SYTL2: variants seen among roughly 807,000 people sequenced by gnomAD.
SYTL2 encodes synaptotagmin-like protein 2.
SYTL2 carries 165 observed loss-of-function variants against 198.7 expected under a neutral mutation model. The ratio of observed to expected loss-of-function variants is 0.83; its 90% CI spans 0.73 to 0.94. The LOEUF is 0.94. Among genes scored for constraint, SYTL2 ranks in the 40% least tolerant of loss-of-function variants. The pLI, the probability that SYTL2 is intolerant of heterozygous loss-of-function variation, is 0.00. For missense variants in SYTL2, 2,835 were observed against 2,582.8 expected (o/e 1.10, Z -2.12); for synonymous variants, 966 against 917.7 (o/e 1.05, Z -0.95).
intron 1 of SYTL2, among the ~76,000 whole-genome samples, chr11:85,792,263 C>T (rs534639939): frequency 6.6e-6 from 1 of 152,074 alleles, no homozygotes; most frequent in South Asian, 2.1e-4. Flanking sequence ...TGGGGCTCTG[C>T]CAATAGAGTT....
chr11:85,756,682 A>G (rs1424647322), intron 2 of SYTL2, among the ~76,000 whole-genome samples: 1 of 152,218 alleles, frequency 6.6e-6, no homozygotes, highest in East Asian at 1.9e-4. Flanking sequence ...AATACTGTCT[A>G]TATAGAAGTT....
chr11:85,815,891 C>T (rs950940244), upstream of SYTL2, among the ~76,000 whole-genome samples: 13 of 152,166 alleles, frequency 8.5e-5, no homozygotes, highest in East Asian at 3.8e-4. Flanking sequence ...TGGCTGGGCA[C>T]GGTGACTCAT....
At chr11:85,745,889 A>T in intron 3 of SYTL2, 117 bp from the exon 4 acceptor site, 1 of 1,002,432 alleles carries the variant, frequency 1.0e-6, no homozygotes, top group Non-Finnish European at 1.5e-6. Context: ...TCCCAGTGCC[A>T]AGGCAATCAC....
At chr11:85,695,878 A>G (rs1273831678) in intron 19 of SYTL2, among the ~76,000 whole-genome samples, 1 of 152,194 alleles carries the variant, frequency 6.6e-6, no homozygotes, top group Non-Finnish European at 1.5e-5. Flanking sequence ...CAAAGCATAT[A>G]TTTAGCCTTG....
rs1193367255 is a variant in SYTL2 at position 85,734,095 on chromosome 11, T to A, written c.1234A>T (p.Thr412Ser). 2 of 1,614,046 alleles carry A rather than the reference T, an allele frequency of 1.2e-6. No individual in the cohort carries two copies. Among genetic ancestry groups the A allele is most frequent in the East Asian group, 2.2e-5 (1 of 44,886 alleles). ...VSKSETHQPM[T>S]SGSFPINGLH... Reference sequence around the variant, plus strand: ...CCATTAATTGGAAAAGAACCAGAAGTCATTGGCTGATGTGTTTCACTTTTT... The same window carrying A: ...CCATTAATTGGAAAAGAACCAGAAGACATTGGCTGATGTGTTTCACTTTTT... The change falls in exon 7 of 20, where the codon ACT becomes TCT. Residue 412 changes from threonine to serine, a missense_variant. Transcript: ENST00000359152.
the SYTL2 span, among the ~76,000 whole-genome samples, chr11:85,849,285 T>C: frequency 3.3e-5 from 5 of 152,324 alleles, no homozygotes; most frequent in African/African-American, 1.2e-4. Flanking sequence ...GCAGAAGCTC[T>C]TTAGTTTAAT....
In SYTL2 at chr11:85,707,443, T is replaced by G. The variant is rs1429854152; in HGVS notation, c.6004A>C (p.Asn2002His). The G allele has an allele frequency of 6.2e-7, 1 of 1,613,486 alleles. No homozygotes were observed. The highest frequency in any genetic ancestry group is 8.5e-7 in the Non-Finnish European group (1 of 1,179,588). Residue 2002 changes from asparagine (N) to histidine (H), a missense_variant, in exon 15 of 20, where the codon AAC becomes CAC. Asn to His is a moderately conservative substitution (Grantham distance 68, BLOSUM62 1). Coordinates refer to ENST00000359152, the MANE Select transcript of SYTL2 (RefSeq NM_206927.4). Reference protein sequence around the residue: ...VVKKTLNPVYNEILRYKIEKQ... With the variant: ...VVKKTLNPVYHEILRYKIEKQ... ...TTCATAGATACCCGCAGTATTTCGT[T>G]ATACACAGGATTCAAGGTTTTCTTC...
chr11:85,709,129 T>C (rs544698829), intron 14 of SYTL2, among the ~76,000 whole-genome samples: 181 of 152,054 alleles, frequency 1.2e-3, no homozygotes, highest in African/African-American at 4.0e-3. Flanking sequence ...TGAGCCACCG[T>C]GCCCGGCCTT....
Position 85,727,437 on chromosome 11 carries a change from T to A in SYTL2, c.1921A>T (p.Ser641Cys). 1 of 1,536,224 alleles carries A rather than the reference T, an allele frequency of 6.5e-7. No homozygotes were observed. The highest frequency in any genetic ancestry group is 8.7e-7 in the Non-Finnish European group (1 of 1,146,918). The change falls in exon 8 of 20, where the codon AGT becomes TGT. Residue 641 changes from serine (S) to cysteine (C), a missense_variant. Physicochemically the swap from Ser to Cys is moderately radical, Grantham distance 112 (BLOSUM62 -1). This residue lies in a region of SYTL2 where 2,645 missense variants were observed against 2,381.7 expected (regional missense o/e 1.11). Coordinates refer to ENST00000359152, the MANE Select transcript of SYTL2 (RefSeq NM_206927.4). ...LQPFESYGTP[S>C]QGSKNMDYSQ... ...TAGTCCATATTTTTACTCCCTTGAC[T>A]TGGGGTGCCATAGCTTTCAAATGGT...
At chr11:85,775,412 C>G (rs540337701) in intron 1 of SYTL2, among the ~76,000 whole-genome samples, 6 of 152,168 alleles carry the variant, frequency 3.9e-5, no homozygotes, top group Non-Finnish European at 5.9e-5. Flanking sequence ...CTGTAGCACA[C>G]GTACTCTTCA....
At chr11:85,718,920 GC>G in intron 9 of SYTL2, 77 bp from the exon 10 acceptor site, 1 of 1,576,454 alleles carries the variant, frequency 6.3e-7, no homozygotes. Flanking sequence ...GTCCCTGGAA[GC>G]CCCCGGAGTT....
At chr11:85,738,204 G>T (rs1028662129) in intron 4 of SYTL2, among the ~76,000 whole-genome samples, 1 of 152,186 alleles carries the variant, frequency 6.6e-6, no homozygotes. Context: ...CCTCAACCAA[G>T]ATTGTTGTCA....
chr11:85,846,712 T>C, the SYTL2 span, among the ~76,000 whole-genome samples: 3 of 143,126 alleles, frequency 2.1e-5, no homozygotes, highest in African/African-American at 7.8e-5. Context: ...CAGAGGTGAG[T>C]CACCACGCCC....
chr11:85,847,755 C>T, the SYTL2 span, among the ~76,000 whole-genome samples: 1 of 152,102 alleles, frequency 6.6e-6, no homozygotes, highest in African/African-American at 2.4e-5. Context: ...GCCAATTGGC[C>T]ATGAATATAT....
intron 8 of SYTL2, among the ~76,000 whole-genome samples, chr11:85,723,397 C>A (rs959624273): frequency 1.3e-5 from 2 of 152,160 alleles, no homozygotes; most frequent in African/African-American, 4.8e-5. Flanking sequence ...GAGAAAGTGG[C>A]AACAAAACAC....
intron 1 of SYTL2, among the ~76,000 whole-genome samples, chr11:85,799,100 C>T (rs374552950): frequency 4.6e-5 from 7 of 152,140 alleles, no homozygotes; most frequent in East Asian, 3.8e-4. Context: ...TGCCCATTGA[C>T]CACTAAATTC....
rs541982642 is a variant in SYTL2, at chr11:85,719,207, A to G, written c.5429-364T>C. Reference sequence around the variant, plus strand: ...CTAGCCATGACTAACACCTTCCCAAACCCATGGTCATTAACAAATATTTGT... The same window carrying G: ...CTAGCCATGACTAACACCTTCCCAAGCCCATGGTCATTAACAAATATTTGT... On this transcript the variant is annotated intron_variant, in intron 9 of 19. Coordinates refer to ENST00000359152, the MANE Select transcript of SYTL2 (RefSeq NM_206927.4). 4.1e-5 allele frequency: 50 copies of G among 1,232,612 alleles called. No homozygotes were observed. In the African/African-American group the frequency reaches 7.5e-4, roughly 18 times the overall value. The allele number at this position is 1,232,612 out of a possible 1,614,324, so 76.4% of individuals were successfully genotyped here.
the SYTL2 span, among the ~76,000 whole-genome samples, chr11:85,828,796 T>C: frequency 1.3e-5 from 2 of 152,226 alleles, no homozygotes; most frequent in Admixed American, 6.5e-5. Flanking sequence ...GTTGTCCTGC[T>C]AGTAGGGGTA....
Position 85,725,822 on chromosome 11 carries a change from T to C in SYTL2, c.3536A>G (p.Asp1179Gly). 6.2e-7 allele frequency: 1 copy of C among 1,614,088 alleles called. No homozygotes were observed. Among genetic ancestry groups the C allele is most frequent in the South Asian group, 1.1e-5 (1 of 91,050 alleles). The change falls in exon 8 of 20, where the codon GAT becomes GGT. Residue 1179 changes from aspartate (D) to glycine (G), a missense_variant. Coordinates refer to ENST00000359152, the MANE Select transcript of SYTL2 (RefSeq NM_206927.4). ...AGGTCCTTTGACTTCTTCCTCAGTA[T>C]CAGCAAAATCTGTTTTTTGAGGCCA... Reference protein sequence around the residue: ...RTWPQKTDFADTEEEVKGPEK... With the variant: ...RTWPQKTDFAGTEEEVKGPEK...
Sources: gnomAD v4.1 joint callset for allele counts (sites outside exome capture counted in the v4.1 genomes callset) on GRCh38, gnomAD v4.1.1 for gene constraint, gnomAD v4.1.1 regional missense constraint, MANE v1.5 for transcripts, NCBI Gene and HGNC (gene_info 2026-07-23, HGNC 2026-07-21) for gene names.